The following POU1F1 variants were observed in gnomAD, a reference collection of about 807,000 sequenced individuals.
The protein encoded by POU1F1 is POU class 1 homeobox 1, also known as pituitary-specific positive transcription factor 1.
A neutral mutation model predicts 32.3 loss-of-function variants in POU1F1; 23 were observed. That is an observed-to-expected ratio of 0.71 (90% CI 0.51 to 1.01). The LOEUF is 1.01. Ranked by LOEUF, POU1F1 falls within the 50% of genes least tolerant of loss-of-function variation. POU1F1 has a pLI of 0.00. For missense variants in POU1F1, 323 were observed against 341.6 expected (o/e 0.95, Z 0.43); for synonymous variants, 120 against 115.6 (o/e 1.04, Z -0.25).
At position 87,260,278 on chromosome 3, in the gene POU1F1, T is replaced by C. The variant is rs529456905; in HGVS notation, c.666-174A>G. ...GGACAAATGTATAATGTGTTAAATA[T>C]GTAGATATTTTGTCTTATGTAAGGT... On this transcript the variant is annotated intron_variant, in intron 5 of 5. Transcript: ENST00000350375. 2.0e-4 allele frequency among the ~76,000 whole-genome samples: 30 copies of C among 152,312 alleles called. No individual in the cohort carries two copies. The South Asian group carries it at 5.0e-3, about 25-fold the overall frequency.
rs1477755620 is a variant in POU1F1, at chr3:87,259,855, TGAAACGGGA to T, written c.*30_*38del. On this transcript the variant is annotated 3_prime_UTR_variant, in exon 6 of 6. Coordinates refer to ENST00000350375, the MANE Select transcript of POU1F1 (RefSeq NM_000306.4). ...GTTTTTGTTGAGGAAGAGAAAGGAATGAAACGGGAGAAAAAGGCTATTATACAATAGAAA... is the reference window on the plus strand; with the variant it reads ...GTTTTTGTTGAGGAAGAGAAAGGAATGAAAAAGGCTATTATACAATAGAAA... 1 of 1,540,814 alleles carries T rather than the reference TGAAACGGGA, an allele frequency of 6.5e-7. No individual in the cohort carries two copies. Among genetic ancestry groups the T allele is most frequent in the Non-Finnish European group, 9.0e-7 (1 of 1,114,730 alleles).
intron 1 of POU1F1, 173 bp from the exon 2 acceptor site, chr3:87,273,591 T>C: frequency 1.6e-6 from 2 of 1,286,362 alleles, no homozygotes; most frequent in South Asian, 1.5e-5. Context: ...AATATGTTTT[T>C]CTCATTTTGG....
chr3:87,263,707 A>G (rs554734776), intron 3 of POU1F1, among the ~76,000 whole-genome samples: 1 of 152,192 alleles, frequency 6.6e-6, no homozygotes, highest in Admixed American at 6.6e-5. Flanking sequence ...AAAGATCAGA[A>G]ACCACCTAAA....
At position 87,261,324 on chromosome 3, in the gene POU1F1, T is replaced by C; in HGVS notation, c.614A>G (p.Asn205Ser). ...EEAEQVGALY[N>S]EKVGANERKR... The stretch of plus-strand genomic sequence containing the variant: ...CCTTTCATTTGCTCCCACTTTTTCA[T>C]TGTACAAAGCTATAATGTGGAAAAG... Residue 205 changes from asparagine (N) to serine (S), a missense_variant, in exon 5 of 6, where the codon AAT becomes AGT. Asn to Ser is a conservative substitution (Grantham distance 46). Transcript: ENST00000350375. 1 of 1,591,944 alleles carries C rather than the reference T, an allele frequency of 6.3e-7. No individual in the cohort carries two copies. The highest frequency in any genetic ancestry group is 8.6e-7 in the Non-Finnish European group (1 of 1,164,032).
At position 87,276,344 on chromosome 3, in the gene POU1F1, T is replaced by C. The variant is rs1706825457; in HGVS notation, c.119A>G (p.His40Arg). 9 of 1,613,990 alleles carry C rather than the reference T, an allele frequency of 5.6e-6. No individual in the cohort carries two copies. The highest frequency in any genetic ancestry group is 7.6e-6 in the Non-Finnish European group (9 of 1,179,910). ...ACCTGTAGACATCACATTGGTGGCATGGTTGGAGACTGGTAGACACTCGGC... is the reference window on the plus strand; with the variant it reads ...ACCTGTAGACATCACATTGGTGGCACGGTTGGAGACTGGTAGACACTCGGC... ...SAAECLPVSN[H>R]ATNVMSTATG... Residue 40 changes from histidine (H) to arginine (R), a missense_variant, in exon 1 of 6, where the codon CAT (histidine) becomes CGT (arginine). Coordinates refer to ENST00000350375, the MANE Select transcript of POU1F1 (RefSeq NM_000306.4).
chr3:87,271,621 G>A (rs1339165471), intron 2 of POU1F1, among the ~76,000 whole-genome samples: 2 of 152,118 alleles, frequency 1.3e-5, no homozygotes, highest in Non-Finnish European at 2.9e-5. Flanking sequence ...ATGCTGTAAA[G>A]GCCACAGAAA....
chr3:87,267,248 T>C (rs926563852), intron 2 of POU1F1, among the ~76,000 whole-genome samples: 1 of 152,150 alleles, frequency 6.6e-6, no homozygotes, highest in Non-Finnish European at 1.5e-5. Flanking sequence ...TCTTTATCCT[T>C]ATACAAAAAA....
At chr3:87,262,608 A>T (rs1706533670) in intron 3 of POU1F1, among the ~76,000 whole-genome samples, 1 of 152,054 alleles carries the variant, frequency 6.6e-6, no homozygotes, top group African/African-American at 2.4e-5. Flanking sequence ...AAAAAATTTT[A>T]ATATATTAAC....
At chr3:87,268,083 CCTTTT>C (rs1269811617) in intron 2 of POU1F1, among the ~76,000 whole-genome samples, 1 of 125,920 alleles carries the variant, frequency 7.9e-6, no homozygotes, top group East Asian at 2.2e-4. Context: ...TTTCCCTTTC[CCTTTT>C]TTTTTTTTTT....
At chr3:87,262,292 G>T in intron 3 of POU1F1, 57 bp from the exon 4 acceptor site, 1 of 1,596,322 alleles carries the variant, frequency 6.3e-7, no homozygotes, top group Non-Finnish European at 8.6e-7. Context: ...GTTAATTTTG[G>T]TTCATTGTCA....
At chr3:87,273,520 T>G (rs1706766087) in intron 1 of POU1F1, 102 bp from the exon 2 acceptor site, 4 of 1,547,634 alleles carry the variant, frequency 2.6e-6, no homozygotes, top group Non-Finnish European at 3.5e-6. Context: ...GTATAAGGAT[T>G]CAAGACACAT....
intron 2 of POU1F1, among the ~76,000 whole-genome samples, chr3:87,267,507 G>A (rs1706641787): frequency 6.6e-6 from 1 of 152,066 alleles, no homozygotes; most frequent in African/African-American, 2.4e-5. Context: ...AACACCTTTG[G>A]CTATATTAAA....
intron 3 of POU1F1, among the ~76,000 whole-genome samples, chr3:87,263,838 T>C (rs1485846478): frequency 6.6e-6 from 1 of 151,906 alleles, no homozygotes; most frequent in Non-Finnish European, 1.5e-5. Flanking sequence ...ATAATACATA[T>C]GTTTGGCACA....
chr3:87,262,673 A>C (rs532782455), intron 3 of POU1F1, among the ~76,000 whole-genome samples: 1 of 152,248 alleles, frequency 6.6e-6, no homozygotes, highest in East Asian at 1.9e-4. Flanking sequence ...TCAACTCTAA[A>C]AGATTCAATG....
chr3:87,268,390 A>T (rs1706666677), intron 2 of POU1F1, among the ~76,000 whole-genome samples: 1 of 152,036 alleles, frequency 6.6e-6, no homozygotes, highest in African/African-American at 2.4e-5. Context: ...TACAGTTGTG[A>T]GCCACTGCAC....
At chr3:87,264,776 T>C (rs1035148853) in intron 2 of POU1F1, among the ~76,000 whole-genome samples, 1 of 152,110 alleles carries the variant, frequency 6.6e-6, no homozygotes, top group Non-Finnish European at 1.5e-5. Context: ...ATAACTAAAA[T>C]AGAAACAAAC....
intron 2 of POU1F1, among the ~76,000 whole-genome samples, chr3:87,269,986 G>T (rs1706696325): frequency 1.3e-5 from 2 of 152,098 alleles, no homozygotes; most frequent in African/African-American, 4.8e-5. Context: ...TTCAGATACT[G>T]GAGAACAGAA....
At chr3:87,267,138 A>G (rs1387143467) in intron 2 of POU1F1, among the ~76,000 whole-genome samples, 3 of 152,234 alleles carry the variant, frequency 2.0e-5, no homozygotes, top group East Asian at 3.9e-4. Flanking sequence ...GTTATCAATT[A>G]TTATTATTAT....
intron 2 of POU1F1, among the ~76,000 whole-genome samples, chr3:87,265,777 G>A (rs765660144): frequency 6.6e-6 from 1 of 151,916 alleles, no homozygotes; most frequent in African/African-American, 2.4e-5. Context: ...TAAGGTAGAA[G>A]ATGTGCCTAG....
Sources: allele counts gnomAD v4.1 joint callset (sites outside exome capture counted in the v4.1 genomes callset), GRCh38; gene constraint gnomAD v4.1.1; transcripts MANE v1.5; gene names NCBI Gene and HGNC (gene_info 2026-07-23, HGNC 2026-07-21).